The following CDC25C variants were observed in gnomAD, a reference collection of about 807,000 sequenced individuals.
The protein encoded by CDC25C is cell division cycle 25C.
CDC25C carries 48 observed loss-of-function variants against 52.5 expected under a neutral mutation model. That is an observed-to-expected ratio of 0.91 (90% CI 0.72 to 1.16). The LOEUF (loss-of-function observed/expected upper bound fraction) is 1.16. Among genes scored for constraint, CDC25C ranks in the 50% most tolerant of loss-of-function variants. CDC25C has a pLI of 0.00. For missense variants in CDC25C, 510 were observed against 566.1 expected (o/e 0.90, Z 1.01); for synonymous variants, 187 against 206.5 (o/e 0.91, Z 0.81).
chr5:138,330,536 C>A (rs149484603), intron 2 of CDC25C, among the ~76,000 whole-genome samples: 80 of 152,264 alleles, frequency 5.3e-4, no homozygotes, highest in Middle Eastern at 3.4e-3. Flanking sequence ...GAGATAGAGT[C>A]TCACTCTGTT....
chr5:138,291,553 G>A (rs1199158806), intron 8 of CDC25C, among the ~76,000 whole-genome samples: 2 of 151,646 alleles, frequency 1.3e-5, no homozygotes, highest in East Asian at 3.9e-4. Context: ...TGAGTAGCCG[G>A]GACTACAGGC....
In CDC25C at chr5:138,290,657, C is replaced by G; in HGVS notation, c.846G>C (p.Leu282=). The G allele has an allele frequency of 6.2e-7, 1 of 1,604,360 alleles. No homozygotes were observed. The highest frequency in any genetic ancestry group is 8.5e-7 in the Non-Finnish European group (1 of 1,171,216). Residue 282 remains leucine, a synonymous_variant, in exon 9 of 14, where the codon CTG becomes CTC. Transcript: ENST00000323760. ...AACTCACCTTGGAAAAATCACCAAT[C>G]AGGTGCCCCTGGTTAGAATCTTCCT... ...MLEEDSNQGH[L]IGDFSKVCAL...
At chr5:138,306,797 A>C in intron 7 of CDC25C, among the ~76,000 whole-genome samples, 1 of 148,706 alleles carries the variant, frequency 6.7e-6, no homozygotes, top group Non-Finnish European at 1.5e-5. Flanking sequence ...TTTCCATTTA[A>C]CATCAAAGAG....
intron 6 of CDC25C, among the ~76,000 whole-genome samples, chr5:138,322,466 A>ATTTTTTTTTTTTTT (rs71585117): frequency 1.5e-5 from 1 of 67,954 alleles, no homozygotes; most frequent in Non-Finnish European, 3.0e-5. Context: ...CGCCCGGCTA[A>ATTTTTTTTTTTTTT]TTTTTTTTTT....
At chr5:138,307,490 C>CAAAAAAAAAAAAAAAAAA (rs57593237) in intron 7 of CDC25C, among the ~76,000 whole-genome samples, 22 of 88,200 alleles carry the variant, frequency 2.5e-4, no homozygotes, top group Admixed American at 6.7e-4. Context: ...GAGACTGCCA[C>CAAAAAAAAAAAAAAAAAA]AAAAAAAAAA....
At chr5:138,287,014 CA>C (rs1284189282) in intron 11 of CDC25C, among the ~76,000 whole-genome samples, 154 bp downstream of exon 11, 1 of 152,090 alleles carries the variant, frequency 6.6e-6, no homozygotes, top group Non-Finnish European at 1.5e-5. Context: ...TTAAGGTATA[CA>C]GAATTAAAAC....
chr5:138,333,260 G>A (rs1416699705), upstream of CDC25C, among the ~76,000 whole-genome samples: 1 of 152,102 alleles, frequency 6.6e-6, no homozygotes, highest in Non-Finnish European at 1.5e-5. Context: ...TCTAAAGTGG[G>A]GTCATTATCA....
At chr5:138,304,840 C>T (rs1184061213) in intron 7 of CDC25C, among the ~76,000 whole-genome samples, 1 of 152,046 alleles carries the variant, frequency 6.6e-6, no homozygotes. Flanking sequence ...TAATCTGTTC[C>T]CCATCCATCA....
exon 1 of CDC25C, chr5:138,338,238 A>C: frequency 8.2e-7 from 1 of 1,212,484 alleles, no homozygotes; most frequent in South Asian, 1.3e-5. Context: ...GCGCCTTTTA[A>C]GGGCACCGTG....
chr5:138,321,179 G>T (rs1011053220), intron 6 of CDC25C, among the ~76,000 whole-genome samples: 11 of 151,998 alleles, frequency 7.2e-5, no homozygotes, highest in African/African-American at 2.7e-4. Flanking sequence ...GAAAATAGAG[G>T]TTATCATTGG....
chr5:138,314,923 C>A (rs1214049478), intron 7 of CDC25C, among the ~76,000 whole-genome samples: 1 of 128,744 alleles, frequency 7.8e-6, no homozygotes, highest in Non-Finnish European at 1.7e-5. Context: ...GCCCAGCCAG[C>A]ACTTTTTTTT....
Position 138,322,466 on chromosome 5 carries a change from ATTTTTTT to A in CDC25C, c.460-3099_460-3093del, listed in dbSNP as rs71585117. 1.3e-4 allele frequency among the ~76,000 whole-genome samples: 9 copies of A among 67,940 alleles called. No individual in the cohort carries two copies. In the Admixed American group the frequency reaches 1.6e-3, roughly 12 times the overall value. The allele number at this position is 67,940 out of a possible 152,430, so 44.6% of individuals were successfully genotyped here. ...AGATGCCTGCCACCACGCCCGGCTA[ATTTTTTT>A]TTTTTTTTTTTTTTTTTTTTGAGAT... On this transcript the variant is annotated intron_variant, in intron 6 of 13. Coordinates refer to ENST00000323760, the MANE Select transcript of CDC25C (RefSeq NM_001790.5).
chr5:138,290,252 C>A (rs1756593360), intron 9 of CDC25C, among the ~76,000 whole-genome samples: 1 of 151,982 alleles, frequency 6.6e-6, no homozygotes, highest in Non-Finnish European at 1.5e-5. Context: ...AGAATATGTA[C>A]CTTCTGCAAT....
intron 7 of CDC25C, among the ~76,000 whole-genome samples, chr5:138,302,798 G>A (rs1757731139): frequency 6.7e-6 from 1 of 150,176 alleles, no homozygotes; most frequent in Non-Finnish European, 1.5e-5. Flanking sequence ...GGTAACTTAT[G>A]CCTGTAATCC....
chr5:138,298,352 C>T (rs1757369607), intron 7 of CDC25C, among the ~76,000 whole-genome samples: 2 of 152,008 alleles, frequency 1.3e-5, no homozygotes, highest in Admixed American at 1.3e-4. Flanking sequence ...TATAAACCAA[C>T]CAGACCTAAC....
At chr5:138,329,145 C>T (rs1022587841) in intron 3 of CDC25C, among the ~76,000 whole-genome samples, 15 of 152,104 alleles carry the variant, frequency 9.9e-5, no homozygotes, top group Non-Finnish European at 1.6e-4. Flanking sequence ...CCTCGTGACC[C>T]GCCCGCCTTG....
chr5:138,322,865 C>A (rs1185215355), intron 6 of CDC25C, among the ~76,000 whole-genome samples: 1 of 152,040 alleles, frequency 6.6e-6, no homozygotes, highest in Non-Finnish European at 1.5e-5. Flanking sequence ...AAGTGATCAG[C>A]CTGCCTCAGC....
chr5:138,301,923 C>T (rs1381828813), intron 7 of CDC25C, among the ~76,000 whole-genome samples: 3 of 151,890 alleles, frequency 2.0e-5, no homozygotes, highest in African/African-American at 2.4e-5. Context: ...AAGCTGGCCT[C>T]GAGCTCCTGA....
intron 8 of CDC25C, 43 bp downstream of exon 8, chr5:138,291,927 G>T (rs771321731): frequency 6.5e-7 from 1 of 1,548,618 alleles, no homozygotes. Flanking sequence ...GCAAAGACAT[G>T]AGATAGAAGA....
Sources: gnomAD v4.1 joint callset for allele counts (sites outside exome capture counted in the v4.1 genomes callset) on GRCh38, gnomAD v4.1.1 for gene constraint, MANE v1.5 for transcripts, NCBI Gene and HGNC (gene_info 2026-07-23, HGNC 2026-07-21) for gene names.